Variants in SVOPL observed in about 807,000 individuals in gnomAD.
SVOPL encodes putative transporter SVOPL.
SVOPL carries 60 observed loss-of-function variants against 61.0 expected under a neutral mutation model. That is an observed-to-expected ratio of 0.98 (90% CI 0.80 to 1.22). SVOPL has a LOEUF of 1.22. SVOPL is among the 50% of genes most tolerant of loss of function. The pLI is 0.00. For missense variants in SVOPL, 662 were observed against 643.9 expected, an observed-to-expected ratio of 1.03 and a Z score of -0.30; for synonymous variants, 279 against 250.0, an observed-to-expected ratio of 1.12 and a Z score of -1.09.
chr7:138,611,711 T>C, intron 14 of SVOPL, among the ~76,000 whole-genome samples: 1 of 74,670 alleles, frequency 1.3e-5, no homozygotes, highest in African/African-American at 3.7e-5. Context: ...GATAAGACTT[T>C]GGTTAAAAGA....
chr7:138,620,588 G>A (rs975154934), intron 14 of SVOPL, among the ~76,000 whole-genome samples: 2 of 151,954 alleles, frequency 1.3e-5, no homozygotes, highest in African/African-American at 2.4e-5. Context: ...AGTCACCCTG[G>A]ATTTTATCCC....
intron 1 of SVOPL, among the ~76,000 whole-genome samples, chr7:138,693,768 T>C (rs929870086): frequency 6.6e-6 from 1 of 152,116 alleles, no homozygotes; most frequent in African/African-American, 2.4e-5. Context: ...TTATTTCTGT[T>C]ATAAACTCAT....
At chr7:138,655,102 A>T (rs1173199877) in intron 7 of SVOPL, among the ~76,000 whole-genome samples, 1 of 151,964 alleles carries the variant, frequency 6.6e-6, no homozygotes, top group East Asian at 1.9e-4. Context: ...AGGTGGGAGG[A>T]TCACTTGAGC....
At chr7:138,613,181 G>A (rs1799130791) in intron 14 of SVOPL, among the ~76,000 whole-genome samples, 1 of 151,614 alleles carries the variant, frequency 6.6e-6, no homozygotes, top group Non-Finnish European at 1.5e-5. Flanking sequence ...CACCACGCCT[G>A]GCTAATTTTT....
At position 138,661,386 on chromosome 7, in the gene SVOPL, T is replaced by A. The variant is rs79585137; in HGVS notation, c.346-1398A>T. The A allele has an allele frequency of 3.4e-3, 3,320 of 985,358 alleles. 93 individuals are homozygous for A. In the African/African-American group the frequency reaches 0.053, roughly 16 times the overall value. The allele number at this position is 985,358 out of a possible 1,614,324, so 61.0% of individuals were successfully genotyped here. A position where few individuals can be genotyped will look rare whatever the true frequency, so the allele number is the denominator to read the frequency against. ...AATATGTTTTAACTCCGTACATCCA[T>A]CAACTTGAGAGAGAAAAGCGGCTCA... On this transcript the variant is annotated intron_variant, in intron 5 of 15. Transcript: ENST00000674285.
chr7:138,689,079 C>T (rs1177964041), intron 1 of SVOPL: 4 of 737,342 alleles, frequency 5.4e-6, no homozygotes, highest in Non-Finnish European at 1.0e-5. Flanking sequence ...TGACACTTCC[C>T]AGGTCATCAA....
chr7:138,621,906 G>GTATC (rs1298870216), intron 13 of SVOPL, among the ~76,000 whole-genome samples: 24 of 27,846 alleles, frequency 8.6e-4, no homozygotes, highest in East Asian at 2.0e-3. Context: ...ATCTATCTAT[G>GTATC]TATCTATCTA....
At chr7:138,629,127 A>ATATGTGTGTATGTATATGTG (rs1554459931) in intron 10 of SVOPL, among the ~76,000 whole-genome samples, 4 of 66,096 alleles carry the variant, frequency 6.1e-5, no homozygotes, top group African/African-American at 2.1e-4. Flanking sequence ...TGTTTTATAT[A>ATATGTGTGTATGTATATGTG]TGTGTGTGTG....
chr7:138,618,571 G>A (rs1563092750), intron 14 of SVOPL, among the ~76,000 whole-genome samples: 2 of 152,180 alleles, frequency 1.3e-5, no homozygotes, highest in Non-Finnish European at 2.9e-5. Flanking sequence ...TAAGACAGGA[G>A]AATTGCTTGA....
chr7:138,625,671 A>G (rs912110178), intron 13 of SVOPL, among the ~76,000 whole-genome samples: 1 of 152,250 alleles, frequency 6.6e-6, no homozygotes, highest in African/African-American at 2.4e-5. Context: ...CTACATTTGA[A>G]TGCAACATGT....
At position 138,599,401 on chromosome 7, in the gene SVOPL, C is replaced by G. The variant is rs564551531; in HGVS notation, c.1354-2871G>C. On this transcript the variant is annotated intron_variant, in intron 14 of 15. Coordinates refer to ENST00000674285, the MANE Select transcript of SVOPL (RefSeq NM_001139456.2). ...AAGAGATCAGTAAAGCAATGAGTCA[C>G]AAAATAGATCCAAGTATCTATGGAC... is the stretch of plus-strand genomic sequence containing the variant. Among the ~76,000 whole-genome samples the G allele has an allele frequency of 1.3e-4, 20 of 152,078 alleles. No homozygotes were observed. In the Middle Eastern group the frequency reaches 0.01, roughly 78 times the overall value.
chr7:138,660,447 C>A, intron 5 of SVOPL: 5 of 988,602 alleles, frequency 5.1e-6, no homozygotes, highest in Non-Finnish European at 4.8e-6. Flanking sequence ...ATTGATTGTC[C>A]AACCCAGAGA....
rs187219269 is a variant in SVOPL, at chr7:138,633,753, G to A, written c.790-3631C>T. ...AAATACAATGATGAATATGGGGAAG[G>A]TTCAGCATACTGAATGCTCACGATA... is the stretch of plus-strand genomic sequence containing the variant. On this transcript the variant is annotated intron_variant, in intron 9 of 15. Coordinates refer to ENST00000674285, the MANE Select transcript of SVOPL (RefSeq NM_001139456.2). Among the ~76,000 whole-genome samples, 4 of 152,270 alleles carry A rather than the reference G, an allele frequency of 2.6e-5. No homozygotes were observed. In the East Asian group the frequency reaches 7.7e-4, roughly 29 times the overall value.
chr7:138,601,358 ACAAGT>A (rs922564607), intron 14 of SVOPL, among the ~76,000 whole-genome samples: 19 of 152,300 alleles, frequency 1.2e-4, no homozygotes, highest in Admixed American at 9.8e-4. Flanking sequence ...AAATATGGAA[ACAAGT>A]CAAGTGTCCA....
intron 1 of SVOPL, among the ~76,000 whole-genome samples, chr7:138,691,183 G>A (rs182640935): frequency 1.2e-4 from 18 of 152,192 alleles, no homozygotes; most frequent in Admixed American, 5.2e-4. Flanking sequence ...AAATCACAGC[G>A]GCAGACTTTA....
intron 5 of SVOPL, 61 bp downstream of exon 5, chr7:138,663,012 AG>A: frequency 6.2e-7 from 1 of 1,610,464 alleles, no homozygotes. Flanking sequence ...AACAGTGATA[AG>A]GTTGCCCCCA....
Position 138,621,171 on chromosome 7 carries a change from A to G in SVOPL, c.1264-36T>C, listed in dbSNP as rs540082801. On this transcript the variant is annotated intron_variant, in intron 13 of 15. Coordinates refer to ENST00000674285, the MANE Select transcript of SVOPL (RefSeq NM_001139456.2). ...AGGCACGGAAAGTACCAGTCAGATAATGTCCGTCCTTCCCCGAGCCCTCCT... is the reference window on the plus strand; with the variant it reads ...AGGCACGGAAAGTACCAGTCAGATAGTGTCCGTCCTTCCCCGAGCCCTCCT... 27 of 1,585,648 alleles carry G rather than the reference A, an allele frequency of 1.7e-5. No individual in the cohort carries two copies. The East Asian group carries it at 2.5e-4, about 15-fold the overall frequency.
chr7:138,686,009 G>A (rs1357540768), intron 1 of SVOPL, among the ~76,000 whole-genome samples: 6 of 152,190 alleles, frequency 3.9e-5, no homozygotes, highest in Admixed American at 2.6e-4. Context: ...CATTAAATAT[G>A]TACCAGTTTT....
At chr7:138,696,192 C>T (rs1803061632) in intron 1 of SVOPL, among the ~76,000 whole-genome samples, 1 of 152,036 alleles carries the variant, frequency 6.6e-6, no homozygotes, top group Admixed American at 6.6e-5. Context: ...ACATGTTGCC[C>T]ACAGTGCTCC....
Sources: allele counts gnomAD v4.1 joint callset (sites outside exome capture counted in the v4.1 genomes callset), GRCh38; gene constraint gnomAD v4.1.1; transcripts MANE v1.5; gene names NCBI Gene and HGNC (gene_info 2026-07-23, HGNC 2026-07-21).